The following RGS11 variants were observed in gnomAD, a reference collection of about 807,000 sequenced individuals.
The protein encoded by RGS11 is regulator of G-protein signaling 11.
A neutral mutation model predicts 71.1 loss-of-function variants in RGS11; 86 were observed. The ratio of observed to expected loss-of-function variants is 1.21; its 90% CI spans 1.02 to 1.45. The LOEUF (loss-of-function observed/expected upper bound fraction) is 1.45, where lower values mean the gene tolerates loss of function less well. RGS11 is among the 40% of genes most tolerant of loss of function. RGS11 has a pLI of 0.00. For synonymous variants in RGS11, 298 were observed against 254.2 expected (o/e 1.17, Z -1.64); for missense variants, 734 against 635.1 (o/e 1.16, Z -1.67).
rs1414933991 is a variant in RGS11, at chr16:270,837, G to T, written c.980-6C>A. 13 of 1,609,374 alleles carry T rather than the reference G, an allele frequency of 8.1e-6. No homozygotes were observed. Among genetic ancestry groups the T allele is most frequent in the South Asian group, 2.2e-5 (2 of 90,576 alleles). On this transcript the variant is annotated splice_region_variant and splice_polypyrimidine_tract_variant and intron_variant, in intron 13 of 16. Coordinates refer to ENST00000397770, the MANE Select transcript of RGS11 (RefSeq NM_183337.3). ...CCAGAAGCTGAGGTTTTCTCCTGGG[G>T]GGCCGGGCACCCAGTCAAGGATCCC...
rs1022772006 is a variant in RGS11, at chr16:273,938, G to C, written c.430-102C>G. 14 of 1,465,708 alleles carry C rather than the reference G, an allele frequency of 9.6e-6. No individual in the cohort carries two copies. The African/African-American group carries it at 1.5e-4, about 16-fold the overall frequency. 90.8% of individuals were successfully genotyped at this position (1,465,708 alleles called of 1,614,324 possible). ...GGGACTGTCTTGGGTTTTGGGGCCT[G>C]GGCTGTATGTTCTGGGGTAAACCGT... is the stretch of plus-strand genomic sequence containing the variant. On this transcript the variant is annotated intron_variant, in intron 6 of 16. Coordinates refer to ENST00000397770, the MANE Select transcript of RGS11 (RefSeq NM_183337.3).
chr16:274,280 G>A lies in RGS11; in HGVS notation c.319-15C>T. 6.2e-7 allele frequency: 1 copy of A among 1,606,930 alleles called. No individual in the cohort carries two copies. On this transcript the variant is annotated splice_polypyrimidine_tract_variant and intron_variant, in intron 4 of 16. Coordinates refer to ENST00000397770, the MANE Select transcript of RGS11 (RefSeq NM_183337.3). Reference sequence around the variant, plus strand: ...AAGTACGGGGTCTGGCGTGGTGCAGGGAGAAGGTGTCCAGGACGCCTGCGT... The same window carrying A: ...AAGTACGGGGTCTGGCGTGGTGCAGAGAGAAGGTGTCCAGGACGCCTGCGT...
rs149964951 is a variant in RGS11, at chr16:270,792, C to A, written c.1019G>T (p.Arg340Leu). The A allele has an allele frequency of 5.6e-6, 9 of 1,612,540 alleles. No homozygotes were observed. The highest frequency in any genetic ancestry group is 7.6e-6 in the Non-Finnish European group (9 of 1,179,920). ...GGGGACCTGGGCCTGCGCTCCATAT[C>A]GAAGCTCCTCACATGCCTCCCAGAA... ...LSFWEACEEL[R>L]YGAQAQVPTL... The change falls in exon 14 of 17, where the codon CGA becomes CTA. Residue 340 changes from arginine (R) to leucine (L), a missense_variant. Coordinates refer to ENST00000397770, the MANE Select transcript of RGS11 (RefSeq NM_183337.3).
In RGS11 at chr16:275,619, G is replaced by A; in HGVS notation, c.64-121C>T. 3 of 870,874 alleles carry A rather than the reference G, an allele frequency of 3.4e-6. No homozygotes were observed. In the East Asian group the frequency reaches 8.8e-5, roughly 26 times the overall value. 53.9% of individuals were successfully genotyped at this position (870,874 alleles called of 1,614,324 possible). ...TAACGCGCGGCGGCGGCGGATTCCAGGCCGCAGCTGGCGGCGGGGACGCGG... is the reference window on the plus strand; with the variant it reads ...TAACGCGCGGCGGCGGCGGATTCCAAGCCGCAGCTGGCGGCGGGGACGCGG... On this transcript the variant is annotated intron_variant, in intron 1 of 16. Transcript: ENST00000397770.
intron 9 of RGS11, chr16:272,025 G>A (rs9931735): frequency 0.035 from 12,661 of 366,148 alleles, 1,584 homozygotes; most frequent in African/African-American, 0.26. Context: ...TAATAGAGAC[G>A]GGGTTTCTCC....
chr16:271,876 T>G (rs111324663), intron 9 of RGS11: 19,758 of 438,260 alleles, frequency 0.045, 977 homozygotes, highest in African/African-American at 0.17. Flanking sequence ...CACTCTTGTT[T>G]CCCAGGCTGG....
At chr16:269,968 G>A (rs906499734) in intron 15 of RGS11, 5 of 205,112 alleles carry the variant, frequency 2.4e-5, no homozygotes, top group Admixed American at 5.3e-5. Context: ...CTGTGATCCC[G>A]GCCGGGCAGA....
In RGS11 at chr16:269,086, CAGGGAGGGCTTGCTGG is replaced by C. The variant is rs2051796540; in HGVS notation, c.*167_*182del. On this transcript the variant is annotated 3_prime_UTR_variant, in exon 17 of 17. Transcript: ENST00000397770. ...CACACCTGGACCCATTCCTTCTGGG[CAGGGAGGGCTTGCTGG>C]AGGGAGGGAGGCTGTGCACCCCACA... is the stretch of plus-strand genomic sequence containing the variant. The C allele has an allele frequency of 8.4e-6, 8 of 953,270 alleles. No homozygotes were observed. The highest frequency in any genetic ancestry group is 1.2e-5 in the Non-Finnish European group (7 of 604,712). The allele number at this position is 953,270 out of a possible 1,614,324, so 59.1% of individuals were successfully genotyped here. A position where few individuals can be genotyped will look rare whatever the true frequency, so the allele number is the denominator to read the frequency against.
At chr16:274,923 G>A (rs1224226528) in intron 4 of RGS11, 53 bp downstream of exon 4, 4 of 1,542,434 alleles carry the variant, frequency 2.6e-6, no homozygotes, top group Non-Finnish European at 3.5e-6. Flanking sequence ...TGGTAAGCTG[G>A]GTGGGTGGGG....
chr16:275,670 G>A, intron 1 of RGS11, 172 bp from the exon 2 acceptor site: 1 of 449,232 alleles, frequency 2.2e-6, no homozygotes, highest in Non-Finnish European at 3.3e-6. Flanking sequence ...GCCGGGGAGG[G>A]CCGGGGAGAC....
chr16:272,772 G>C, intron 9 of RGS11, 91 bp downstream of exon 9: 1 of 1,529,918 alleles, frequency 6.5e-7, no homozygotes, highest in Non-Finnish European at 8.7e-7. Context: ...TGGACCAAAT[G>C]ACGGACAGAT....
At chr16:274,734 G>C (rs754060235) in intron 4 of RGS11, 9 of 701,796 alleles carry the variant, frequency 1.3e-5, no homozygotes, top group Non-Finnish European at 1.8e-5. Context: ...CCCTTGTGGG[G>C]CCCTGCTGTG....
chr16:269,728 G>C, intron 15 of RGS11, 143 bp from the exon 16 acceptor site: 1 of 656,760 alleles, frequency 1.5e-6, no homozygotes. Flanking sequence ...CAGCCGCCTC[G>C]GACCTGCCCA....
intron 9 of RGS11, 69 bp downstream of exon 9, chr16:272,794 T>C: frequency 6.5e-7 from 1 of 1,535,022 alleles, no homozygotes; most frequent in South Asian, 1.2e-5. Context: ...GGCAGTCCCA[T>C]GGTGCGTCCA....
chr16:273,673 G>A, intron 7 of RGS11, 87 bp downstream of exon 7: 2 of 1,534,676 alleles, frequency 1.3e-6, no homozygotes, highest in Admixed American at 1.7e-5. Context: ...CACGGTCCCA[G>A]GGCCACCGGA....
chr16:274,614 G>A (rs1317315258), intron 4 of RGS11: 1 of 613,372 alleles, frequency 1.6e-6, no homozygotes, highest in Admixed American at 2.3e-5. Context: ...CCGGGACCCT[G>A]ATGTGGTTAG....
Position 269,107 on chromosome 16 carries a change from A to G in RGS11, c.*162T>C. The G allele has an allele frequency of 1.1e-6, 1 of 901,160 alleles. No individual in the cohort carries two copies. Among genetic ancestry groups the G allele is most frequent in the East Asian group, 2.6e-5 (1 of 37,892 alleles). The allele number at this position is 901,160 out of a possible 1,614,324, so 55.8% of individuals were successfully genotyped here. On this transcript the variant is annotated 3_prime_UTR_variant, in exon 17 of 17. Coordinates refer to ENST00000397770, the MANE Select transcript of RGS11 (RefSeq NM_183337.3). ...TGGGCAGGGAGGGCTTGCTGGAGGG[A>G]GGGAGGCTGTGCACCCCACAGAAGA...
intron 1 of RGS11, 99 bp from the exon 2 acceptor site, chr16:275,597 C>T: frequency 9.4e-7 from 1 of 1,063,192 alleles, no homozygotes; most frequent in Non-Finnish European, 1.3e-6. Context: ...CGGAGATTAA[C>T]GCGCGGCGGC....
rs779374363 is a variant in RGS11 at position 269,535 on chromosome 16, T to G, written c.1257A>C (p.Ala419=). Residue 419 remains alanine, a synonymous_variant, in exon 16 of 17, where the codon GCA becomes GCC. Coordinates refer to ENST00000397770, the MANE Select transcript of RGS11 (RefSeq NM_183337.3). ...TCATCTCCAGCGGGATCCCAGCCTCTGCCAGGAGGGCCTTGTACATGTCAG... is the reference window on the plus strand; with the variant it reads ...TCATCTCCAGCGGGATCCCAGCCTCGGCCAGGAGGGCCTTGTACATGTCAG... The part of the protein sequence containing the change: ...LKSDMYKALL[A]EAGIPLEMKR... 1 of 1,613,420 alleles carries G rather than the reference T, an allele frequency of 6.2e-7. No homozygotes were observed. Among genetic ancestry groups the G allele is most frequent in the Non-Finnish European group, 8.5e-7 (1 of 1,179,950 alleles).
Sources: gnomAD v4.1 joint callset for allele counts on GRCh38, gnomAD v4.1.1 for gene constraint, MANE v1.5 for transcripts, NCBI Gene and HGNC (gene_info 2026-07-23, HGNC 2026-07-21) for gene names.